Variants in EPS8 observed in about 807,000 individuals in gnomAD.
EPS8 encodes EGFR pathway substrate 8, signaling adaptor.
In EPS8, 42 loss-of-function variants were observed where a neutral mutation model predicts 103.8. The observed-to-expected ratio is 0.40, with a 90% CI of 0.32 to 0.52. The LOEUF is 0.52. Among genes scored for constraint, EPS8 ranks in the 20% least tolerant of loss-of-function variants. The pLI, the probability that EPS8 is intolerant of heterozygous loss-of-function variation, is 0.40. For synonymous variants in EPS8, 344 were observed against 344.6 expected (o/e 1.00, Z 0.02); for missense variants, 969 against 1,005.1 (o/e 0.96, Z 0.49).
At chr12:15,724,615 C>T (rs2135982842) in intron 1 of EPS8, among the ~76,000 whole-genome samples, 1 of 152,246 alleles carries the variant, frequency 6.6e-6, no homozygotes, top group Middle Eastern at 3.4e-3. Context: ...AATTATAGCT[C>T]CCATAATTCC....
intron 3 of EPS8, among the ~76,000 whole-genome samples, chr12:15,676,937 T>G (rs1945919229): frequency 6.6e-6 from 1 of 152,226 alleles, no homozygotes; most frequent in Admixed American, 6.5e-5. Flanking sequence ...TAAGCAAATT[T>G]ATTGTCATAT....
intron 1 of EPS8, among the ~76,000 whole-genome samples, chr12:15,739,283 C>T (rs932562065): frequency 2.0e-5 from 3 of 152,202 alleles, no homozygotes; most frequent in Non-Finnish European, 2.9e-5. Context: ...CCACATTCTC[C>T]ACCACTGACA....
chr12:15,703,383 GA>G (rs1005364106), intron 1 of EPS8, among the ~76,000 whole-genome samples: 1 of 152,124 alleles, frequency 6.6e-6, no homozygotes, highest in African/African-American at 2.4e-5. Flanking sequence ...TCTACCTATG[GA>G]AGCTGCTTGT....
chr12:15,705,446 A>G (rs564643893), intron 1 of EPS8, among the ~76,000 whole-genome samples: 2 of 152,312 alleles, frequency 1.3e-5, no homozygotes, highest in South Asian at 4.1e-4. Flanking sequence ...TAAAACATTC[A>G]TTCAACAAAA....
chr12:15,630,459 C>G (rs1945025821), intron 18 of EPS8, among the ~76,000 whole-genome samples: 1 of 152,072 alleles, frequency 6.6e-6, no homozygotes, highest in African/African-American at 2.4e-5. Flanking sequence ...TGCTATTCAC[C>G]AATAATACAA....
At chr12:15,630,294 T>G (rs1207063692) in intron 18 of EPS8, among the ~76,000 whole-genome samples, 1 of 152,130 alleles carries the variant, frequency 6.6e-6, no homozygotes, top group Non-Finnish European at 1.5e-5. Flanking sequence ...AGCTCTGGTT[T>G]TCCAAGAGTT....
At chr12:15,746,026 G>A (rs1946871839) in intron 1 of EPS8, among the ~76,000 whole-genome samples, 1 of 152,152 alleles carries the variant, frequency 6.6e-6, no homozygotes, top group Non-Finnish European at 1.5e-5. Context: ...CTTTATAGGA[G>A]AAAAAGAAGC....
intron 1 of EPS8, among the ~76,000 whole-genome samples, chr12:15,744,738 C>G (rs949962842): frequency 3.3e-5 from 5 of 152,096 alleles, no homozygotes; most frequent in Non-Finnish European, 7.3e-5. Context: ...ATGATAAATG[C>G]TGAAACAAAG....
chr12:15,764,502 T>C lies in EPS8; in HGVS notation c.-22+24659A>G, dbSNP rs995869649. ...AAAGGTTACCAGAACCGAGGACTGA[T>C]TTTATGTAAACTGTAAAACCAACAG... On this transcript the variant is annotated intron_variant, in intron 1 of 20. Coordinates refer to ENST00000281172, the MANE Select transcript of EPS8 (RefSeq NM_004447.6). The surrounding 1 kb of genome is among the most constrained non-coding windows in gnomAD (Gnocchi z 4.1). Among the ~76,000 whole-genome samples the C allele has an allele frequency of 6.6e-6, 1 of 152,222 alleles. No homozygotes were observed. Among genetic ancestry groups the C allele is most frequent in the Non-Finnish European group, 1.5e-5 (1 of 68,038 alleles).
In EPS8 at chr12:15,700,325, G is replaced by C. The variant is rs569050690; in HGVS notation, c.-21-17353C>G. 8.5e-5 allele frequency among the ~76,000 whole-genome samples: 13 copies of C among 152,102 alleles called. No homozygotes were observed. Among genetic ancestry groups the C allele is most frequent in the Non-Finnish European group, 1.6e-4 (11 of 68,012 alleles). On this transcript the variant is annotated intron_variant, in intron 1 of 20. Transcript: ENST00000281172. The surrounding 1 kb of genome is among the most constrained non-coding windows in gnomAD (Gnocchi z 5.1). ...AACAATTCTGAGGTGTGGCAAACTA[G>C]TACAGTCTTTTGCAAAATAATCCCT...
intron 8 of EPS8, 80 bp from the exon 9 acceptor site, chr12:15,662,179 T>A (rs1426033199): frequency 4.5e-6 from 7 of 1,561,642 alleles, no homozygotes; most frequent in Admixed American, 3.4e-5. Flanking sequence ...TAAAAATTAG[T>A]TAAAAAGGAG....
In EPS8 at chr12:15,751,646, C is replaced by T. The variant is rs1946932843; in HGVS notation, c.-22+37515G>A. Among the ~76,000 whole-genome samples the T allele has an allele frequency of 6.6e-6, 1 of 151,974 alleles. No homozygotes were observed. Among genetic ancestry groups the T allele is most frequent in the Non-Finnish European group, 1.5e-5 (1 of 67,988 alleles). ...AAAAAAAGGGGGCAAGATTTTTTGC[C>T]TTTACAAAGGTCACAACCTAGTGAA... On this transcript the variant is annotated intron_variant, in intron 1 of 20. Transcript: ENST00000281172. The surrounding 1 kb of genome is among the most constrained non-coding windows in gnomAD (Gnocchi z 4.3).
chr12:15,662,669 T>A, intron 8 of EPS8: 1 of 985,158 alleles, frequency 1.0e-6, no homozygotes, highest in Non-Finnish European at 1.2e-6. Context: ...AAAAAATAAA[T>A]GTCTTAAGAC....
chr12:15,680,465 T>C (rs1398848981), intron 3 of EPS8, among the ~76,000 whole-genome samples: 1 of 152,204 alleles, frequency 6.6e-6, no homozygotes, highest in East Asian at 1.9e-4. Flanking sequence ...ATTACACAGA[T>C]AAGCAAAATT....
chr12:15,699,843 A>G (rs1024944029), intron 1 of EPS8, among the ~76,000 whole-genome samples: 49 of 152,208 alleles, frequency 3.2e-4, no homozygotes, highest in African/African-American at 1.2e-3. Context: ...CAATTCCTCA[A>G]TTCCCACCCC....
intron 10 of EPS8, among the ~76,000 whole-genome samples, chr12:15,660,279 T>G (rs1025115701): frequency 6.9e-5 from 10 of 145,824 alleles, no homozygotes; most frequent in African/African-American, 1.7e-4. Context: ...CCAGAGTTCT[T>G]TTTTTTTTTT....
chr12:15,658,119 G>A lies in EPS8; in HGVS notation c.1061C>T (p.Ala354Val), dbSNP rs1431122681. The A allele has an allele frequency of 6.2e-7, 1 of 1,610,746 alleles. No individual in the cohort carries two copies. The highest frequency in any genetic ancestry group is 1.7e-5 in the Admixed American group (1 of 59,926). Reference sequence around the variant, plus strand: ...AAACAAAAAGTGAACCAAATCTGCAGCACTAGGATTCTGAATATGAGACTT... The same window carrying A: ...AAACAAAAAGTGAACCAAATCTGCAACACTAGGATTCTGAATATGAGACTT... ...KLKSHIQNPS[A>V]ADLVHFLFTP... Residue 354 changes from alanine (A) to valine (V), a missense_variant, in exon 12 of 21, where the codon GCT (alanine) becomes GTT (valine). Physicochemically the swap from Ala to Val is moderately conservative, Grantham distance 64 (BLOSUM62 0). Coordinates refer to ENST00000281172, the MANE Select transcript of EPS8 (RefSeq NM_004447.6).
intron 1 of EPS8, among the ~76,000 whole-genome samples, chr12:15,703,270 T>A (rs140797422): frequency 0.013 from 2,010 of 152,378 alleles, 43 homozygotes; most frequent in African/African-American, 0.045. Flanking sequence ...CTTTCTCTCC[T>A]CTGGGAACAT....
Position 15,659,696 on chromosome 12 carries a change from T to C in EPS8, c.937+918A>G, listed in dbSNP as rs571218338. Among the ~76,000 whole-genome samples, 4 of 152,332 alleles carry C rather than the reference T, an allele frequency of 2.6e-5. No homozygotes were observed. In the South Asian group the frequency reaches 6.2e-4, roughly 24 times the overall value. On this transcript the variant is annotated intron_variant, in intron 10 of 20. Coordinates refer to ENST00000281172, the MANE Select transcript of EPS8 (RefSeq NM_004447.6). ...TGGAAGTTATCTGTAATGAAAGGGA[T>C]ATTTATTTACTATTTTATATCTTTC... is the stretch of plus-strand genomic sequence containing the variant.
Sources: gnomAD v4.1 joint callset for allele counts (sites outside exome capture counted in the v4.1 genomes callset) on GRCh38, gnomAD v4.1.1 for gene constraint, Gnocchi (gnomAD v3.1) non-coding constraint, MANE v1.5 for transcripts, NCBI Gene and HGNC (gene_info 2026-07-23, HGNC 2026-07-21) for gene names.